DMWD: variants seen among roughly 807,000 people sequenced by gnomAD.
DMWD encodes DM1 locus, WD repeat containing, also known as dystrophia myotonica WD repeat-containing protein.
DMWD carries 19 observed loss-of-function variants against 45.8 expected under a neutral mutation model. That is an observed-to-expected ratio of 0.41 (90% CI 0.29 to 0.61). The LOEUF (loss-of-function observed/expected upper bound fraction) is 0.61. Among genes scored for constraint, DMWD ranks in the 20% least tolerant of loss-of-function variants. The probability of loss-of-function intolerance (pLI) is 0.25; values close to 1 mark genes in which losing one functional copy is unlikely to be tolerated. For synonymous variants in DMWD, 515 were observed against 440.5 expected (o/e 1.17, Z -2.12); for missense variants, 802 against 965.2 (o/e 0.83, Z 2.24).
Position 45,792,581 on chromosome 19 carries a change from G to A in DMWD, c.176C>T (p.Pro59Leu), listed in dbSNP as rs1307982956. The A allele has an allele frequency of 2.3e-6, 3 of 1,283,754 alleles. No homozygotes were observed. Among genetic ancestry groups the A allele is most frequent in the Middle Eastern group, 4.5e-4 (2 of 4,404 alleles). 79.5% of individuals were successfully genotyped at this position (1,283,754 alleles called of 1,614,324 possible). ...SAQTPVPPQP[P>L]QPPPGPASAS... ...GGAGGCAGGGCCGGGCGGGGGCTGC[G>A]GTGGCTGAGGCGGCACCGGAGTCTG... is the stretch of plus-strand genomic sequence containing the variant. The change falls in exon 1 of 5, where the codon CCG (proline) becomes CTG (leucine). Residue 59 changes from proline (P) to leucine (L), a missense_variant. Physicochemically the swap from Pro to Leu is moderately conservative, Grantham distance 98. Coordinates refer to ENST00000270223, the MANE Select transcript of DMWD (RefSeq NM_004943.2).
At chr19:45,792,043 C>T (rs1970362205) in intron 1 of DMWD, among the ~76,000 whole-genome samples, 1 of 152,126 alleles carries the variant, frequency 6.6e-6, no homozygotes, top group African/African-American at 2.4e-5. Flanking sequence ...CTCAGATACC[C>T]CATCATGTCC....
intron 2 of DMWD, chr19:45,789,336 T>G (rs889819277): frequency 6.6e-6 from 1 of 152,216 alleles, no homozygotes; most frequent in Non-Finnish European, 1.5e-5. Context: ...ATTCTGAGAA[T>G]ATTTATGGAA....
In DMWD at chr19:45,785,603, C is replaced by G; in HGVS notation, c.1893G>C (p.Pro631=). ...QEGLICTWAR[P]GKAFTDEETE... is the part of the protein sequence containing the mutation. ...GTGTGGGGCCACTCACCGCCTTGCC[C>G]GGCCGGGCCCAGGTGCAGATGAGGC... The change falls in exon 3 of 5, where the codon CCG becomes CCC. Residue 631 remains proline (P), a synonymous_variant. Coordinates refer to ENST00000270223, the MANE Select transcript of DMWD (RefSeq NM_004943.2). 6.7e-7 allele frequency: 1 copy of G among 1,495,964 alleles called. No homozygotes were observed. The highest frequency in any genetic ancestry group is 8.9e-7 in the Non-Finnish European group (1 of 1,120,224). 92.7% of individuals were successfully genotyped at this position (1,495,964 alleles called of 1,614,324 possible). A position where few individuals can be genotyped will look rare whatever the true frequency, so the allele number is the denominator to read the frequency against.
At position 45,785,727 on chromosome 19, in the gene DMWD, A is replaced by G. The variant is rs771066909; in HGVS notation, c.1769T>C (p.Val590Ala). The change falls in exon 3 of 5, where the codon GTG becomes GCG. Residue 590 changes from valine (V) to alanine (A), a missense_variant. By Grantham distance (64) the Val-to-Ala change is moderately conservative. Transcript: ENST00000270223. ...GTALCPRIHE[V>A]PLLEPLVCKK... ...GCACACAAGGGGCTCCAGCAGGGGCACCTCGTGGATGCGCGGGCACAGCGC... is the reference window on the plus strand; with the variant it reads ...GCACACAAGGGGCTCCAGCAGGGGCGCCTCGTGGATGCGCGGGCACAGCGC... 4 of 1,606,214 alleles carry G rather than the reference A, an allele frequency of 2.5e-6. No homozygotes were observed.
Position 45,786,046 on chromosome 19 carries a change from C to A in DMWD, c.1450G>T (p.Gly484Cys). 1 of 1,530,290 alleles carries A rather than the reference C, an allele frequency of 6.5e-7. No homozygotes were observed. Among genetic ancestry groups the A allele is most frequent in the Admixed American group, 2.0e-5 (1 of 49,660 alleles). The allele number at this position is 1,530,290 out of a possible 1,614,324, so 94.8% of individuals were successfully genotyped here. A position where few individuals can be genotyped will look rare whatever the true frequency, so the allele number is the denominator to read the frequency against. ...SSSRGGEPGP[G>C]PLPRSLSRSN... ...CGGGACAGCGAGCGAGGCAGGGGGC[C>A]TGGGCCAGGCTCGCCACCCCTCGAG... is the stretch of plus-strand genomic sequence containing the variant. Residue 484 changes from glycine (G) to cysteine (C), a missense_variant, in exon 3 of 5, where the codon GGC (glycine) becomes TGC (cysteine). Gly to Cys is a radical substitution (Grantham distance 159, BLOSUM62 -3). Coordinates refer to ENST00000270223, the MANE Select transcript of DMWD (RefSeq NM_004943.2).
chr19:45,784,936 A>C (rs538093599), intron 3 of DMWD, among the ~76,000 whole-genome samples: 3 of 152,304 alleles, frequency 2.0e-5, no homozygotes, highest in Non-Finnish European at 1.5e-5. Context: ...CTCCGAACTT[A>C]CAAGATGCCA....
chr19:45,785,804 G>T lies in DMWD; in HGVS notation c.1692C>A (p.Pro564=). 1 of 1,611,832 alleles carries T rather than the reference G, an allele frequency of 6.2e-7. No individual in the cohort carries two copies. Residue 564 remains proline (P), a synonymous_variant, in exon 3 of 5, where the codon CCC becomes CCA. Coordinates refer to ENST00000270223, the MANE Select transcript of DMWD (RefSeq NM_004943.2). ...SGGSGSGGEK[P]SGPVPRSRLD... ...GGCGGCTGCGGGGAACAGGGCCGCT[G>T]GGCTTCTCCCCACCACTGCCACTGC...
chr19:45,792,774 C>T lies in DMWD; in HGVS notation c.-18G>A. 1 of 1,117,472 alleles carries T rather than the reference C, an allele frequency of 8.9e-7. No individual in the cohort carries two copies. The highest frequency in any genetic ancestry group is 4.3e-5 in the South Asian group (1 of 23,378). 69.2% of individuals were successfully genotyped at this position (1,117,472 alleles called of 1,614,324 possible). Reference sequence around the variant, plus strand: ...GCCGCCATCTTGGGCGCCCCCCGGGCCCCGCCACTGCCGGACTGCCGCCCG... The same window carrying T: ...GCCGCCATCTTGGGCGCCCCCCGGGTCCCGCCACTGCCGGACTGCCGCCCG... On this transcript the variant is annotated 5_prime_UTR_variant, in exon 1 of 5. Coordinates refer to ENST00000270223, the MANE Select transcript of DMWD (RefSeq NM_004943.2).
Position 45,786,695 on chromosome 19 carries a change from A to T in DMWD, c.801T>A (p.Ala267=). Residue 267 remains alanine, a synonymous_variant, in exon 3 of 5, where the codon GCT becomes GCA. Transcript: ENST00000270223. ...GGTTGCGGGGTGCCTTGCTCTTGGC[A>T]GCATAGACAGAGAAGCCCTCGCCCT... The part of the protein sequence containing the change: ...LKQGEGFSVY[A]AKSKAPRNPL... 6.2e-7 allele frequency: 1 copy of T among 1,611,420 alleles called. No individual in the cohort carries two copies. The highest frequency in any genetic ancestry group is 1.7e-4 in the Middle Eastern group (1 of 6,050).
chr19:45,784,969 C>G (rs748271124), intron 3 of DMWD, among the ~76,000 whole-genome samples: 1 of 152,210 alleles, frequency 6.6e-6, no homozygotes, highest in Non-Finnish European at 1.5e-5. Context: ...CTACTATGAC[C>G]TTCCCAACGC....
In DMWD at chr19:45,785,962, C is replaced by T. The variant is rs1287136396; in HGVS notation, c.1534G>A (p.Ala512Thr). Reference protein sequence around the residue: ...GGKAGGPGVAAEPGTPFSIGR... With the variant: ...GGKAGGPGVATEPGTPFSIGR... ...ATGCTGAATGGTGTGCCAGGCTCTG[C>T]CGCCACACCCGGGCCGCCCGCCTTG... Residue 512 changes from alanine (A) to threonine (T), a missense_variant, in exon 3 of 5, where the codon GCA (alanine) becomes ACA (threonine). Physicochemically the swap from Ala to Thr is moderately conservative, Grantham distance 58. Coordinates refer to ENST00000270223, the MANE Select transcript of DMWD (RefSeq NM_004943.2). 3.2e-6 allele frequency: 5 copies of T among 1,580,772 alleles called. No individual in the cohort carries two copies. The highest frequency in any genetic ancestry group is 4.3e-6 in the Non-Finnish European group (5 of 1,165,990).
rs1430249520 is a variant in DMWD at position 45,792,729 on chromosome 19, A to AGCCGCCCTCCGC, written c.16_27dup (p.Ala6_Gly9dup). On this transcript the variant is annotated inframe_insertion, in exon 1 of 5. Coordinates refer to ENST00000270223, the MANE Select transcript of DMWD (RefSeq NM_004943.2). ...TCCCCCATGGCGGCGCCGGGGCCCG[A>AGCCGCCCTCCGC]GCCGCCCTCCGCGCCGCCCGCCGCC... The AGCCGCCCTCCGC allele has an allele frequency of 5.1e-6, 6 of 1,170,004 alleles. No homozygotes were observed. The highest frequency in any genetic ancestry group is 4.3e-5 in the East Asian group (1 of 23,050). 72.5% of individuals were successfully genotyped at this position (1,170,004 alleles called of 1,614,324 possible).
chr19:45,784,252 T>C lies in DMWD; in HGVS notation c.2016A>G (p.Thr672=), dbSNP rs1250635871. 2.6e-6 allele frequency: 4 copies of C among 1,535,366 alleles called. No individual in the cohort carries two copies. The highest frequency in any genetic ancestry group is 3.5e-6 in the Non-Finnish European group (4 of 1,142,156). Reference sequence around the variant, plus strand: ...CCCGATATCCATGGCTTCACACCACTGTGCCACTCGGGGAGTTGCCTGGTT... The same window carrying C: ...CCCGATATCCATGGCTTCACACCACCGTGCCACTCGGGGAGTTGCCTGGTT... ...SSQPGNSPSG[T]VV is the part of the protein sequence containing the mutation. Residue 672 remains threonine (T), a synonymous_variant, in exon 5 of 5, where the codon ACA becomes ACG. Transcript: ENST00000270223.
In DMWD at chr19:45,792,450, C is replaced by A; in HGVS notation, c.307G>T (p.Glu103Ter). 6.7e-7 allele frequency: 1 copy of A among 1,491,660 alleles called. No individual in the cohort carries two copies. Among genetic ancestry groups the A allele is most frequent in the East Asian group, 2.8e-5 (1 of 36,334 alleles). The allele number at this position is 1,491,660 out of a possible 1,614,324, so 92.4% of individuals were successfully genotyped here. ...AVRLSLVRLGEPDSAGAGEPP... is the reference protein window; with the variant it reads ...AVRLSLVRLG ...TCCCCGGCCCCGGCGCTGTCCGGCTCCCCGAGGCGCACGAGGCTGAGGCGC... is the reference window on the plus strand; with the variant it reads ...TCCCCGGCCCCGGCGCTGTCCGGCTACCCGAGGCGCACGAGGCTGAGGCGC... The change falls in exon 1 of 5, where the codon GAG becomes TAG. Residue 103 changes from glutamate to a stop codon, truncating the protein, a stop_gained. Transcript: ENST00000270223. LOFTEE classifies it high-confidence loss of function.
chr19:45,785,536 G>A, intron 3 of DMWD, 58 bp downstream of exon 3: 1 of 1,431,274 alleles, frequency 7.0e-7, no homozygotes, highest in South Asian at 1.5e-5. Context: ...GCCAATGCCT[G>A]CCTCTTCCCA....
Position 45,783,634 on chromosome 19 carries a change from G to C in DMWD, c.*609C>G, listed in dbSNP as rs908812929. The C allele has an allele frequency of 7.5e-6, 3 of 400,494 alleles. No homozygotes were observed. The highest frequency in any genetic ancestry group is 6.2e-5 in the African/African-American group (3 of 48,592). The allele number at this position is 400,494 out of a possible 1,614,324, so 24.8% of individuals were successfully genotyped here. ...GTGGGAGGCGCTGGGCTGGGAGCAGGCCTGCACTCCTCCTCTGGGGAAAGC... is the reference window on the plus strand; with the variant it reads ...GTGGGAGGCGCTGGGCTGGGAGCAGCCCTGCACTCCTCCTCTGGGGAAAGC... On this transcript the variant is annotated 3_prime_UTR_variant, in exon 5 of 5. Transcript: ENST00000270223.
At chr19:45,785,317 C>A in intron 3 of DMWD, 1 of 1,204,816 alleles carries the variant, frequency 8.3e-7, no homozygotes, top group Non-Finnish European at 1.0e-6. Context: ...CCATGTGGGG[C>A]CCATCTGCTG....
chr19:45,786,617 C>T lies in DMWD; in HGVS notation c.879G>A (p.Ser293=), dbSNP rs754053959. The T allele has an allele frequency of 2.6e-5, 42 of 1,613,578 alleles. No individual in the cohort carries two copies. The South Asian group carries it at 3.4e-4, about 13-fold the overall frequency. The change falls in exon 3 of 5, where the codon TCG becomes TCA. Residue 293 remains serine, a synonymous_variant. Transcript: ENST00000270223. ...CACAGGCCAGGTGCCGGCCATCGGG[C>T]GAGAAGGCGAACTCGTTGAGGGGCC... ...GEGPLNEFAF[S]PDGRHLACVS...
Position 45,790,749 on chromosome 19 carries a change from A to G in DMWD, c.624+156T>C, listed in dbSNP as rs114682934. On this transcript the variant is annotated intron_variant, in intron 2 of 4. Transcript: ENST00000270223. ...ACAGCACAGGGCCTGGGTACAGTAAAGGCAGCTGTCATTAGCTGCTGTCAC... is the reference window on the plus strand; with the variant it reads ...ACAGCACAGGGCCTGGGTACAGTAAGGGCAGCTGTCATTAGCTGCTGTCAC... The G allele has an allele frequency of 9.0e-3, 6,656 of 741,272 alleles. 311 individuals carry two copies. In the African/African-American group the frequency reaches 0.1, roughly 11 times the overall value. The allele number at this position is 741,272 out of a possible 1,614,324, so 45.9% of individuals were successfully genotyped here.
Sources: gnomAD v4.1 joint callset for allele counts (sites outside exome capture counted in the v4.1 genomes callset) on GRCh38, gnomAD v4.1.1 for gene constraint, MANE v1.5 for transcripts, NCBI Gene and HGNC (gene_info 2026-07-23, HGNC 2026-07-21) for gene names.